The following NTRK2 variants were observed in gnomAD, a reference collection of about 807,000 sequenced individuals.
The protein encoded by NTRK2 is neurotrophic receptor tyrosine kinase 2.
A neutral mutation model predicts 94.5 loss-of-function variants in NTRK2; 13 were observed. That is an observed-to-expected ratio of 0.14 (90% CI 0.09 to 0.22). The LOEUF is 0.22. NTRK2 is among the 10% of genes least tolerant of loss of function. The pLI is 1.00. For synonymous variants in NTRK2, 372 were observed against 407.4 expected (o/e 0.91, Z 1.05); for missense variants, 639 against 1,071.2 (o/e 0.60, Z 5.63).
At chr9:84,801,878 C>A (rs1448865965) in intron 12 of NTRK2, among the ~76,000 whole-genome samples, 2 of 152,164 alleles carry the variant, frequency 1.3e-5, no homozygotes, top group Non-Finnish European at 1.5e-5. Context: ...TCCTGCTATA[C>A]CCATGTAATT....
At position 84,948,591 on chromosome 9, in the gene NTRK2, G is replaced by A. The variant is rs1385491348; in HGVS notation, c.1894G>A (p.Val632Ile). 1 of 1,614,114 alleles carries A rather than the reference G, an allele frequency of 6.2e-7. No homozygotes were observed. Among genetic ancestry groups the A allele is most frequent in the East Asian group, 2.2e-5 (1 of 44,862 alleles). The change falls in exon 16 of 19, where the codon GTC becomes ATC. Residue 632 changes from valine (V) to isoleucine (I), a missense_variant. Coordinates refer to ENST00000277120, the MANE Select transcript of NTRK2 (RefSeq NM_006180.6). ...VCVEGDPLIM[V>I]FEYMKHGDLN... ...CGTGGAGGGCGACCCCCTCATCATG[G>A]TCTTTGAGTACATGAAGCATGGGGA...
chr9:84,874,629 G>T, intron 14 of NTRK2: 1 of 1,061,754 alleles, frequency 9.4e-7, no homozygotes, highest in Non-Finnish European at 1.1e-6. Context: ...GGAAGGAAAT[G>T]GGGAGAGAGC....
intron 14 of NTRK2, chr9:84,877,185 G>A: frequency 9.4e-7 from 1 of 1,064,944 alleles, no homozygotes; most frequent in Non-Finnish European, 1.1e-6. Flanking sequence ...GTGGATCTTA[G>A]CCAGATTTGA....
chr9:84,842,734 A>T (rs1452787041), intron 12 of NTRK2, among the ~76,000 whole-genome samples: 1 of 152,158 alleles, frequency 6.6e-6, no homozygotes, highest in Non-Finnish European at 1.5e-5. Flanking sequence ...TACATTAATT[A>T]TTCAAACCCT....
intron 14 of NTRK2, among the ~76,000 whole-genome samples, chr9:84,920,055 C>G (rs1268131239): frequency 6.6e-6 from 1 of 152,210 alleles, no homozygotes; most frequent in African/African-American, 2.4e-5. Flanking sequence ...CCACCAGACC[C>G]CTGCCTCTAG....
At chr9:84,759,694 G>C (rs563064402) in intron 12 of NTRK2, among the ~76,000 whole-genome samples, 2 of 152,184 alleles carry the variant, frequency 1.3e-5, no homozygotes, top group Admixed American at 6.5e-5. Flanking sequence ...GCCTATTTCA[G>C]ACAGGACTTT....
intron 12 of NTRK2, among the ~76,000 whole-genome samples, chr9:84,753,927 C>T (rs1361139461): frequency 1.3e-5 from 2 of 152,122 alleles, no homozygotes; most frequent in Admixed American, 1.3e-4. Flanking sequence ...GAACTTCTTC[C>T]CACCCTTGGT....
intron 12 of NTRK2, among the ~76,000 whole-genome samples, chr9:84,781,003 A>G (rs1022151945): frequency 6.6e-6 from 1 of 152,154 alleles, no homozygotes; most frequent in Admixed American, 6.5e-5. Flanking sequence ...TTTTTGTTAT[A>G]ACATCACACT....
At chr9:84,901,316 G>A (rs1276694519) in intron 14 of NTRK2, among the ~76,000 whole-genome samples, 1 of 151,728 alleles carries the variant, frequency 6.6e-6, no homozygotes, top group Non-Finnish European at 1.5e-5. Context: ...TCTGCCTCCT[G>A]GCTTCAAGCA....
chr9:84,775,927 T>C (rs879905494), intron 12 of NTRK2, among the ~76,000 whole-genome samples: 6 of 152,100 alleles, frequency 3.9e-5, no homozygotes, highest in African/African-American at 1.2e-4. Context: ...TGATCTAGAG[T>C]ACACAAAAAA....
intron 11 of NTRK2, among the ~76,000 whole-genome samples, chr9:84,749,665 T>A (rs1168164326): frequency 6.6e-6 from 1 of 152,244 alleles, no homozygotes; most frequent in Non-Finnish European, 1.5e-5. Context: ...ACCCATTACC[T>A]GCATTAACTC....
chr9:84,811,940 A>G (rs1396111839), intron 12 of NTRK2: 3 of 183,262 alleles, frequency 1.6e-5, no homozygotes, highest in Non-Finnish European at 1.9e-5. Flanking sequence ...TTCCTTTTTT[A>G]TCAGGAGGAC....
At chr9:84,985,235 A>G (rs1319776165) in intron 17 of NTRK2, among the ~76,000 whole-genome samples, 1 of 152,196 alleles carries the variant, frequency 6.6e-6, no homozygotes, top group Non-Finnish European at 1.5e-5. Flanking sequence ...ATTCAAAATG[A>G]AGTTGCTCTT....
At chr9:84,979,322 AT>A (rs1251127592) in intron 17 of NTRK2, among the ~76,000 whole-genome samples, 10 of 152,324 alleles carry the variant, frequency 6.6e-5, no homozygotes, top group Admixed American at 6.5e-4. Flanking sequence ...GAAGAAGTTG[AT>A]TTCAACCCTT....
At chr9:84,802,879 G>A (rs1187277) in intron 12 of NTRK2, among the ~76,000 whole-genome samples, 97,237 of 152,002 alleles carry the variant, frequency 0.64, 33,204 homozygotes, top group Non-Finnish European at 0.75. Flanking sequence ...TTCTGTGCTC[G>A]TGACGTGAAT....
At chr9:84,873,522 C>T (rs200939542) in intron 14 of NTRK2, 22 of 1,057,434 alleles carry the variant, frequency 2.1e-5, no homozygotes, top group Non-Finnish European at 2.3e-5. Context: ...TTGCTAGCTA[C>T]AACAATTTGA....
At chr9:84,923,547 G>A (rs1439142515) in intron 14 of NTRK2, among the ~76,000 whole-genome samples, 1 of 152,130 alleles carries the variant, frequency 6.6e-6, no homozygotes, top group East Asian at 1.9e-4. Flanking sequence ...AAAAACAAAA[G>A]ATTTCTTCCA....
intron 14 of NTRK2, among the ~76,000 whole-genome samples, chr9:84,896,673 A>G (rs368368884): frequency 1.3e-4 from 20 of 152,258 alleles, no homozygotes; most frequent in African/African-American, 4.6e-4. Flanking sequence ...TTTTTCCCCT[A>G]TGGCTTACGA....
chr9:84,850,602 G>C (rs1053548401), intron 12 of NTRK2, among the ~76,000 whole-genome samples: 6 of 152,130 alleles, frequency 3.9e-5, no homozygotes, highest in Non-Finnish European at 7.4e-5. Context: ...GGTCCAATCA[G>C]GTGGTCAGGA....
Sources: gnomAD v4.1 joint callset for allele counts (sites outside exome capture counted in the v4.1 genomes callset) on GRCh38, gnomAD v4.1.1 for gene constraint, MANE v1.5 for transcripts, NCBI Gene and HGNC (gene_info 2026-07-23, HGNC 2026-07-21) for gene names.